Variants in CFAP54 observed in about 807,000 individuals in gnomAD.
The protein encoded by CFAP54 is cilia- and flagella-associated protein 54.
In CFAP54, 290 loss-of-function variants were observed where a neutral mutation model predicts 370.4. That is an observed-to-expected ratio of 0.78 (90% CI 0.71 to 0.86). CFAP54 has a LOEUF of 0.86. Ranked by LOEUF, CFAP54 falls within the 40% of genes least tolerant of loss-of-function variation. CFAP54 has a pLI of 0.00. For missense variants in CFAP54, 3,399 were observed against 3,528.7 expected (o/e 0.96, Z 0.93); for synonymous variants, 1,206 against 1,236.5 (o/e 0.98, Z 0.52).
chr12:96,700,186 A>G (rs1957477017), intron 46 of CFAP54, 93 bp downstream of exon 46: 9 of 1,351,672 alleles, frequency 6.7e-6, no homozygotes, highest in East Asian at 4.9e-5. Flanking sequence ...TGTATTTACA[A>G]TCTCTGGTAT....
intron 33 of CFAP54, among the ~76,000 whole-genome samples, chr12:96,644,778 G>A (rs1346646805): frequency 6.6e-6 from 1 of 152,086 alleles, no homozygotes; most frequent in Non-Finnish European, 1.5e-5. Context: ...AACAGCATGG[G>A]GAAAACTGCC....
At chr12:96,777,019 C>A (rs904061296) in intron 60 of CFAP54, among the ~76,000 whole-genome samples, 1 of 152,074 alleles carries the variant, frequency 6.6e-6, no homozygotes, top group African/African-American at 2.4e-5. Flanking sequence ...GGCAGCACAC[C>A]CGTCAGTTGT....
chr12:96,553,151 T>C (rs968967107), intron 15 of CFAP54, among the ~76,000 whole-genome samples: 2 of 152,194 alleles, frequency 1.3e-5, no homozygotes, highest in African/African-American at 4.8e-5. Flanking sequence ...GCAATGGTGA[T>C]GAACACTTCT....
chr12:96,714,210 A>G (rs946668947), intron 48 of CFAP54, among the ~76,000 whole-genome samples: 2 of 152,202 alleles, frequency 1.3e-5, no homozygotes, highest in Non-Finnish European at 2.9e-5. Flanking sequence ...GTTGGTGAGA[A>G]GTAGCCAGAT....
intron 60 of CFAP54, among the ~76,000 whole-genome samples, chr12:96,774,669 C>T (rs1250810051): frequency 1.3e-5 from 2 of 152,070 alleles, no homozygotes; most frequent in South Asian, 2.1e-4. Flanking sequence ...ATTGGGATTA[C>T]GTTATATTTA....
rs1185127189 is a variant in CFAP54 at position 96,533,882 on chromosome 12, A to T, written c.1448A>T (p.Asp483Val). ...GGAAGAAAAGATGTTATTTCTGTGG[A>T]TGCTGCTGTGAAATTTATAAAATTA... ...MIGRKDVISV[D>V]AAVKFIKLAF... is the part of the protein sequence containing the mutation. The change falls in exon 10 of 68, where the codon GAT (aspartate) becomes GTT (valine). Residue 483 changes from aspartate (D) to valine (V), a missense_variant. Coordinates refer to ENST00000524981, the MANE Select transcript of CFAP54 (RefSeq NM_001306084.2). 1.5e-5 allele frequency: 23 copies of T among 1,535,058 alleles called. No individual in the cohort carries two copies. Among genetic ancestry groups the T allele is most frequent in the Non-Finnish European group, 2.0e-5 (23 of 1,146,280 alleles).
At chr12:96,658,149 G>GA (rs372079822) in intron 37 of CFAP54, 44 bp downstream of exon 37, 207,330 of 1,230,756 alleles carry the variant, frequency 0.17, 2,446 homozygotes, top group Non-Finnish European at 0.19. Flanking sequence ...AGACTTCATT[G>GA]AAAAAAAAAA....
chr12:96,720,444 C>G lies in CFAP54; in HGVS notation c.6844C>G (p.Leu2282Val). The G allele has an allele frequency of 6.3e-7, 1 of 1,589,788 alleles. No individual in the cohort carries two copies. The highest frequency in any genetic ancestry group is 8.6e-7 in the Non-Finnish European group (1 of 1,167,248). The stretch of plus-strand genomic sequence containing the variant: ...GGAAGCTGAGGACAGGCTAAACTTC[C>G]TTCTGTCCGAGGTGGAACAGAAGAC... ...LMEAEDRLNF[L>V]LSEVEQKTLS... is the part of the protein sequence containing the mutation. Residue 2282 changes from leucine (L) to valine (V), a missense_variant, in exon 50 of 68, where the codon CTT becomes GTT. Coordinates refer to ENST00000524981, the MANE Select transcript of CFAP54 (RefSeq NM_001306084.2).
rs776536952 is a variant in CFAP54, at chr12:96,521,877, G to T, written c.963G>T (p.Leu321Phe). The change falls in exon 7 of 68, where the codon TTG becomes TTT. Residue 321 changes from leucine to phenylalanine, a missense_variant. Leu to Phe is a conservative substitution (Grantham distance 22). Transcript: ENST00000524981. ...TGTAGGCATTTGCTCGGCGTGCTTTGGCTAAAATTGATGAGTTAAGGCAAC... is the reference window on the plus strand; with the variant it reads ...TGTAGGCATTTGCTCGGCGTGCTTTTGCTAAAATTGATGAGTTAAGGCAAC... ...IHGEAFARRA[L>F]AKIDELRQLE... The T allele has an allele frequency of 9.8e-6, 15 of 1,529,744 alleles. No homozygotes were observed. Among genetic ancestry groups the T allele is most frequent in the African/African-American group, 1.4e-5 (1 of 72,906 alleles). 94.8% of individuals were successfully genotyped at this position (1,529,744 alleles called of 1,614,324 possible). A position where few individuals can be genotyped will look rare whatever the true frequency, so the allele number is the denominator to read the frequency against.
At chr12:96,644,723 T>C (rs949063660) in intron 33 of CFAP54, among the ~76,000 whole-genome samples, 2 of 152,114 alleles carry the variant, frequency 1.3e-5, no homozygotes, top group African/African-American at 4.8e-5. Context: ...GGAAATACCA[T>C]ATGCTCATAA....
intron 65 of CFAP54, among the ~76,000 whole-genome samples, chr12:96,827,707 T>TATATAATTACATATAATTATATTTA (rs1959133402): frequency 2.2e-5 from 2 of 90,248 alleles, no homozygotes; most frequent in Admixed American, 1.6e-4. Flanking sequence ...TATTATATTA[T>TATATAATTACATATAATTATATTTA]ATATAATTAT....
At chr12:96,673,230 A>G (rs1457281147) in intron 39 of CFAP54, among the ~76,000 whole-genome samples, 6 of 152,232 alleles carry the variant, frequency 3.9e-5, no homozygotes, top group Non-Finnish European at 4.4e-5. Context: ...AGAAAATTAA[A>G]CATTACTAGT....
At position 96,630,652 on chromosome 12, in the gene CFAP54, G is replaced by T; in HGVS notation, c.4316+1G>T. ...TTTCTGAAATGGTGGCACATGAAAGGTATTCACTAATTAATTAATTCAATA... is the reference window on the plus strand; with the variant it reads ...TTTCTGAAATGGTGGCACATGAAAGTTATTCACTAATTAATTAATTCAATA... On this transcript the variant is annotated splice_donor_variant, in intron 32 of 67. Coordinates refer to ENST00000524981, the MANE Select transcript of CFAP54 (RefSeq NM_001306084.2). LOFTEE classifies it high-confidence loss of function. 6.9e-7 allele frequency: 1 copy of T among 1,454,898 alleles called. No homozygotes were observed. Among genetic ancestry groups the T allele is most frequent in the Non-Finnish European group, 9.1e-7 (1 of 1,101,210 alleles). The allele number at this position is 1,454,898 out of a possible 1,614,324, so 90.1% of individuals were successfully genotyped here.
intron 38 of CFAP54, among the ~76,000 whole-genome samples, chr12:96,662,163 C>G (rs1301887602): frequency 1.3e-5 from 2 of 152,182 alleles, no homozygotes; most frequent in Non-Finnish European, 2.9e-5. Flanking sequence ...GCAGTGACTT[C>G]CTAATCACCC....
At chr12:96,507,534 T>TACACACACACACACACACAC (rs34776926) in intron 4 of CFAP54, among the ~76,000 whole-genome samples, 2 of 140,592 alleles carry the variant, frequency 1.4e-5, no homozygotes, top group East Asian at 2.0e-4. Context: ...CACACACACA[T>TACACACACACACACACACAC]ACACACACAC....
chr12:96,510,252 C>CAA (rs199654204), intron 4 of CFAP54, among the ~76,000 whole-genome samples: 11 of 88,392 alleles, frequency 1.2e-4, no homozygotes, highest in African/African-American at 3.2e-4. Flanking sequence ...GACTCCATCT[C>CAA]AAAAAAAAAA....
chr12:96,506,109 G>A (rs1426207833), intron 3 of CFAP54, among the ~76,000 whole-genome samples: 3 of 152,184 alleles, frequency 2.0e-5, no homozygotes, highest in East Asian at 3.9e-4. Context: ...GGAGGCCGAG[G>A]CAGGCGGATC....
At chr12:96,776,552 A>T (rs1269660974) in intron 60 of CFAP54, among the ~76,000 whole-genome samples, 1 of 152,174 alleles carries the variant, frequency 6.6e-6, no homozygotes, top group Non-Finnish European at 1.5e-5. Context: ...GGTTGAAATA[A>T]TTTTTTTAAA....
At chr12:96,826,522 A>T (rs1449062295) in intron 65 of CFAP54, among the ~76,000 whole-genome samples, 3 of 72,896 alleles carry the variant, frequency 4.1e-5, no homozygotes, top group Admixed American at 2.2e-4. Flanking sequence ...TAAATATATA[A>T]TATATTATAT....
Sources: gnomAD v4.1 joint callset for allele counts (sites outside exome capture counted in the v4.1 genomes callset) on GRCh38, gnomAD v4.1.1 for gene constraint, MANE v1.5 for transcripts, NCBI Gene and HGNC (gene_info 2026-07-23, HGNC 2026-07-21) for gene names.